CRHR1: variants seen among roughly 807,000 people sequenced by gnomAD.
CRHR1 encodes the protein corticotropin releasing hormone receptor 1, also known as corticotropin-releasing hormone receptor 1.
CRHR1 carries 28 observed loss-of-function variants against 56.0 expected under a neutral mutation model. The observed-to-expected ratio is 0.50, with a 90% CI of 0.37 to 0.69. CRHR1 has a LOEUF of 0.69. Among genes scored for constraint, CRHR1 ranks in the 30% least tolerant of loss-of-function variants. The pLI, the probability that CRHR1 is intolerant of heterozygous loss-of-function variation, is 0.00. For synonymous variants in CRHR1, 195 were observed against 216.5 expected, an observed-to-expected ratio of 0.90 and a Z score of 0.87; for missense variants, 376 against 548.0, an observed-to-expected ratio of 0.69 and a Z score of 3.13.
intron 4 of CRHR1, 103 bp downstream of exon 4, chr17:45,821,543 C>G (rs1180673977): frequency 9.2e-7 from 1 of 1,085,354 alleles, no homozygotes; most frequent in Non-Finnish European, 1.4e-6. Context: ...AGGCTAATGT[C>G]AAGGCCCTGC....
At position 45,833,134 on chromosome 17, in the gene CRHR1, C is replaced by A. The variant is rs538607875; in HGVS notation, c.771-4C>A. ...TTCCTCCCCTTTCCTCTGTGGCCTTCTAGGTGCTGGTTTGGCAAAAGGCCT... is the reference window on the plus strand; with the variant it reads ...TTCCTCCCCTTTCCTCTGTGGCCTTATAGGTGCTGGTTTGGCAAAAGGCCT... On this transcript the variant is annotated splice_region_variant and splice_polypyrimidine_tract_variant and intron_variant, in intron 8 of 12. Coordinates refer to ENST00000314537, the MANE Select transcript of CRHR1 (RefSeq NM_004382.5). 8.7e-6 allele frequency: 14 copies of A among 1,613,514 alleles called. No individual in the cohort carries two copies. In the East Asian group the frequency reaches 3.1e-4, roughly 36 times the overall value.
At chr17:45,831,777 A>G (rs1441351730) in intron 8 of CRHR1, among the ~76,000 whole-genome samples, 1 of 152,182 alleles carries the variant, frequency 6.6e-6, no homozygotes, top group Non-Finnish European at 1.5e-5. Context: ...TTGCCAAACA[A>G]GTGTTCCCGG....
At chr17:45,801,588 A>C (rs1158196444) in intron 1 of CRHR1, among the ~76,000 whole-genome samples, 3 of 152,238 alleles carry the variant, frequency 2.0e-5, no homozygotes, top group Non-Finnish European at 4.4e-5. Flanking sequence ...TGGGGCTGCC[A>C]GGCTGTGCAC....
intron 1 of CRHR1, among the ~76,000 whole-genome samples, chr17:45,798,876 C>G (rs936682408): frequency 2.0e-5 from 3 of 152,238 alleles, no homozygotes; most frequent in African/African-American, 7.2e-5. Flanking sequence ...TGTACAACAG[C>G]AATTTAAGTT....
At chr17:45,816,189 C>T (rs2061923490) in intron 2 of CRHR1, among the ~76,000 whole-genome samples, 1 of 152,190 alleles carries the variant, frequency 6.6e-6, no homozygotes, top group Admixed American at 6.5e-5. Flanking sequence ...AGGACCTTAG[C>T]TTTTAACACC....
intron 1 of CRHR1, chr17:45,799,782 C>G (rs918393831): frequency 6.6e-6 from 1 of 152,278 alleles, no homozygotes; most frequent in Non-Finnish European, 1.5e-5. Context: ...CTCCGTGGAA[C>G]AGGTGACTGT....
intron 4 of CRHR1, among the ~76,000 whole-genome samples, chr17:45,824,133 G>A (rs1047150001): frequency 3.3e-5 from 5 of 152,226 alleles, no homozygotes; most frequent in African/African-American, 1.2e-4. Flanking sequence ...TTGGGCCAGA[G>A]GAGATGGCCT....
chr17:45,796,381 C>T (rs1315759308), intron 1 of CRHR1, among the ~76,000 whole-genome samples: 1 of 152,186 alleles, frequency 6.6e-6, no homozygotes, highest in African/African-American at 2.4e-5. Flanking sequence ...TACTGTTGTC[C>T]GCCCCCTCGT....
intron 1 of CRHR1, among the ~76,000 whole-genome samples, chr17:45,802,341 A>G (rs187956201): frequency 6.6e-6 from 1 of 152,224 alleles, no homozygotes; most frequent in African/African-American, 2.4e-5. Flanking sequence ...AACAAACAAA[A>G]AAATTCTCCA....
At chr17:45,785,315 G>A (rs888424105) in intron 1 of CRHR1, among the ~76,000 whole-genome samples, 2 of 152,246 alleles carry the variant, frequency 1.3e-5, no homozygotes, top group African/African-American at 4.8e-5. Context: ...TTCGTGGGCG[G>A]TGGGGGCGGC....
rs1374395455 is a variant in CRHR1, at chr17:45,835,106, G to GA, written c.*344dup. On this transcript the variant is annotated 3_prime_UTR_variant, in exon 13 of 13. Transcript: ENST00000314537. ...AAGGCTGTCTTCTCCCAGAGCACAAGAAGGCCAGCCCACTGGGCCCTGGGG... is the reference window on the plus strand; with the variant it reads ...AAGGCTGTCTTCTCCCAGAGCACAAGAAAGGCCAGCCCACTGGGCCCTGGGG... 1 of 299,040 alleles carries GA rather than the reference G, an allele frequency of 3.3e-6. No individual in the cohort carries two copies. Among genetic ancestry groups the GA allele is most frequent in the Non-Finnish European group, 6.2e-6 (1 of 160,648 alleles). 18.5% of individuals were successfully genotyped at this position (299,040 alleles called of 1,614,324 possible).
Position 45,833,835 on chromosome 17 carries a change from C to T in CRHR1, c.1051C>T (p.Leu351=), listed in dbSNP as rs1281440232. Residue 351 remains leucine, a synonymous_variant, in exon 11 of 13, where the codon CTG becomes TTG. Coordinates refer to ENST00000314537, the MANE Select transcript of CRHR1 (RefSeq NM_004382.5). The part of the protein sequence containing the change: ...RVVFIYFNSF[L]ESFQGFFVSV... ...CGTCTTCATCTACTTCAACTCCTTC[C>T]TGGAATCCTTCCAGGTACAGCCCTG... 6.2e-7 allele frequency: 1 copy of T among 1,613,676 alleles called. No homozygotes were observed. The highest frequency in any genetic ancestry group is 8.5e-7 in the Non-Finnish European group (1 of 1,179,984).
At chr17:45,834,521 A>G (rs2143287323) in intron 12 of CRHR1, 103 bp from the exon 13 acceptor site, 1 of 1,377,234 alleles carries the variant, frequency 7.3e-7, no homozygotes, top group East Asian at 2.4e-5. Flanking sequence ...TACTCAGCTG[A>G]CCTGCACAGC....
chr17:45,810,199 C>T (rs1244389508), intron 2 of CRHR1, among the ~76,000 whole-genome samples: 1 of 152,120 alleles, frequency 6.6e-6, no homozygotes, highest in Non-Finnish European at 1.5e-5. Flanking sequence ...GCATGAGAAT[C>T]GCTTGAGCCT....
Position 45,802,479 on chromosome 17 carries a change from G to C in CRHR1, c.34-4531G>C, listed in dbSNP as rs576192778. Among the ~76,000 whole-genome samples the C allele has an allele frequency of 6.6e-5, 10 of 152,310 alleles. No homozygotes were observed. The East Asian group carries it at 1.9e-3, about 29-fold the overall frequency. ...AGAGGAGATCAGCGGATGGTGAAGA[G>C]GAGATCAGCGGATGGTGGGAGGAAA... On this transcript the variant is annotated intron_variant, in intron 1 of 12. Transcript: ENST00000314537.
Position 45,807,083 on chromosome 17 carries a change from CCAG to C in CRHR1, c.110_112del (p.Ser37del). 1 of 1,614,030 alleles carries C rather than the reference CCAG, an allele frequency of 6.2e-7. No individual in the cohort carries two copies. Among genetic ancestry groups the C allele is most frequent in the Non-Finnish European group, 8.5e-7 (1 of 1,179,958 alleles). ...CAGCACTGCGAGAGCCTGTCCCTGG[CCAG>C]CAACATCTCAGGTGAGTCCCCTCAA... On this transcript the variant is annotated inframe_deletion, in exon 2 of 13. Coordinates refer to ENST00000314537, the MANE Select transcript of CRHR1 (RefSeq NM_004382.5).
intron 1 of CRHR1, among the ~76,000 whole-genome samples, chr17:45,800,113 T>A (rs1243875444): frequency 6.6e-6 from 1 of 152,260 alleles, no homozygotes; most frequent in Non-Finnish European, 1.5e-5. Flanking sequence ...GCCATCGTCA[T>A]GTATGTGTGT....
At position 45,784,551 on chromosome 17, in the gene CRHR1, G is replaced by A; in HGVS notation, c.7G>A (p.Gly3Arg). Residue 3 changes from glycine to arginine, a missense_variant, in exon 1 of 13, where the codon GGG (glycine) becomes AGG (arginine). Physicochemically the swap from Gly to Arg is moderately radical, Grantham distance 125. Transcript: ENST00000314537. The surrounding 1 kb of genome is among the most constrained non-coding windows in gnomAD (Gnocchi z 4.2). MG[G>R]HPQLRLVKAL... Reference sequence around the variant, plus strand: ...TAGCCGAGCGAGCCCGAGGATGGGAGGGCACCCGCAGCTCCGTCTCGTCAA... The same window carrying A: ...TAGCCGAGCGAGCCCGAGGATGGGAAGGCACCCGCAGCTCCGTCTCGTCAA... The A allele has an allele frequency of 6.4e-7, 1 of 1,555,072 alleles. No homozygotes were observed.
chr17:45,822,029 A>G (rs1411522160), intron 4 of CRHR1, among the ~76,000 whole-genome samples: 2 of 152,212 alleles, frequency 1.3e-5, no homozygotes, highest in Non-Finnish European at 1.5e-5. Flanking sequence ...CATTTTGCCA[A>G]TTTCACAAGT....
Sources: gnomAD v4.1 joint callset for allele counts (sites outside exome capture counted in the v4.1 genomes callset) on GRCh38, gnomAD v4.1.1 for gene constraint, Gnocchi (gnomAD v3.1) non-coding constraint, MANE v1.5 for transcripts, NCBI Gene and HGNC (gene_info 2026-07-23, HGNC 2026-07-21) for gene names.